Variants in NHS observed in about 807,000 individuals in gnomAD.
NHS encodes actin remodeling regulator NHS.
Under a neutral mutation model 72.5 loss-of-function variants are expected in NHS, and 5 were observed. That is an observed-to-expected ratio of 0.07 (90% CI 0.04 to 0.14). The LOEUF is 0.14. Among genes scored for constraint, NHS ranks in the 10% least tolerant of loss-of-function variants. NHS has a pLI of 1.00. For missense variants in NHS, 1,072 were observed against 1,355.7 expected (o/e 0.79, Z 3.29); for synonymous variants, 464 against 547.7 (o/e 0.85, Z 2.13).
intron 1 of NHS, among the ~76,000 whole-genome samples, chrX:17,552,034 GA>G (rs200417996): frequency 9.0e-6 from 1 of 111,691 alleles, no homozygotes; most frequent in African/African-American, 3.3e-5. Flanking sequence ...TTAAAGGGAG[GA>G]AACCGAGGCT....
At chrX:17,471,593 C>G (rs2064892723) in intron 1 of NHS, among the ~76,000 whole-genome samples, 1 of 112,475 alleles carries the variant, frequency 8.9e-6, no homozygotes, top group African/African-American at 3.2e-5. Context: ...TAACAAATGT[C>G]TTCTATAGCT....
intron 1 of NHS, among the ~76,000 whole-genome samples, chrX:17,445,758 G>C (rs772174461): frequency 2.4e-4 from 24 of 100,946 alleles, no homozygotes; most frequent in South Asian, 5.1e-4. Context: ...AAAAAAAAAG[G>C]GGGGGGGGAC....
At chrX:17,721,938 A>G (rs990380783) in intron 5 of NHS, among the ~76,000 whole-genome samples, 1 of 112,040 alleles carries the variant, frequency 8.9e-6, no homozygotes, top group Non-Finnish European at 1.9e-5. Context: ...ATCATATGAT[A>G]ATGATGTGTG....
chrX:17,600,286 CAGAGAG>C (rs113777136), intron 1 of NHS, among the ~76,000 whole-genome samples: 19 of 101,357 alleles, frequency 1.9e-4, no homozygotes, highest in East Asian at 9.3e-4. Flanking sequence ...CAGAGAGAGA[CAGAGAG>C]AGAGAGAGAG....
intron 5 of NHS, among the ~76,000 whole-genome samples, chrX:17,723,059 G>C (rs770692809): frequency 2.7e-5 from 3 of 111,884 alleles, no homozygotes; most frequent in South Asian, 7.4e-4. Flanking sequence ...TAATTACTAA[G>C]ATCAGAATGA....
intron 1 of NHS, among the ~76,000 whole-genome samples, chrX:17,459,622 C>T (rs1397934554): frequency 8.9e-6 from 1 of 112,029 alleles, no homozygotes; most frequent in Non-Finnish European, 1.9e-5. Flanking sequence ...CTCCTTTTCT[C>T]TTTCTTTAAC....
chrX:17,601,570 G>GT (rs2065649673), intron 1 of NHS, among the ~76,000 whole-genome samples: 1 of 111,561 alleles, frequency 9.0e-6, no homozygotes, highest in Non-Finnish European at 1.9e-5. Context: ...AAAAACTTAT[G>GT]TAACTGTTGG....
chrX:17,721,536 C>A lies in NHS; in HGVS notation c.1011C>A (p.Thr337=). 8.3e-7 allele frequency: 1 copy of A among 1,211,076 alleles called. No individual in the cohort carries two copies. ...HNIPSTLDKQ[T]NWSKALPLPT... is the part of the protein sequence containing the mutation. ...TCCCTTCCACACTGGACAAGCAGAC[C>A]AACTGGAGCAAAGCACTACCTCTCC... The change falls in exon 5 of 9, where the codon ACC becomes ACA. Residue 337 remains threonine, a synonymous_variant. Transcript: ENST00000676302.
intron 1 of NHS, among the ~76,000 whole-genome samples, chrX:17,436,653 C>T (rs1161811376): frequency 9.1e-6 from 1 of 109,469 alleles, no homozygotes; most frequent in African/African-American, 3.3e-5. Context: ...CACCTCTCCC[C>T]TTGGTGGTTT....
intron 1 of NHS, among the ~76,000 whole-genome samples, chrX:17,599,994 G>A (rs2065641510): frequency 9.0e-6 from 1 of 111,371 alleles, no homozygotes; most frequent in African/African-American, 3.3e-5. Context: ...CCTAAAGCCT[G>A]ATAACCTATG....
chrX:17,601,434 G>A (rs747971803), intron 1 of NHS, among the ~76,000 whole-genome samples: 1 of 111,987 alleles, frequency 8.9e-6, no homozygotes, highest in African/African-American at 3.2e-5. Flanking sequence ...TGTTCTCAAA[G>A]TAAGGAATAA....
intron 1 of NHS, among the ~76,000 whole-genome samples, chrX:17,433,115 T>C (rs1277817326): frequency 2.5e-4 from 27 of 106,610 alleles, no homozygotes; most frequent in Middle Eastern, 5.0e-3. Context: ...CTGCAAGCTC[T>C]CCCTCCCAGG....
At chrX:17,376,349 A>G (rs2064347521) in intron 1 of NHS, 27 bp downstream of exon 1, 2 of 1,123,643 alleles carry the variant, frequency 1.8e-6, no homozygotes, top group Middle Eastern at 3.0e-4. Context: ...TCCGCCCGCC[A>G]GGCTATGGGT....
rs780896720 is a variant in NHS at position 17,522,779 on chromosome X, A to G, written c.565+146457A>G. ...GGAGCCATCTTGTGACACTGCCCCT[A>G]AATCTTTCCTTGTTTTTCTTAAGAT... On this transcript the variant is annotated intron_variant, in intron 1 of 8. Transcript: ENST00000676302. Among the ~76,000 whole-genome samples, 79 of 111,137 alleles carry G rather than the reference A, an allele frequency of 7.1e-4. 1 individual carries two copies. Among genetic ancestry groups the G allele is most frequent in the African/African-American group, 2.5e-3 (77 of 30,653 alleles).
chrX:17,463,640 G>T (rs1400851862), intron 1 of NHS, among the ~76,000 whole-genome samples: 2 of 111,450 alleles, frequency 1.8e-5, no homozygotes, highest in East Asian at 2.8e-4. Context: ...CCAAGGGAAA[G>T]GTTCCCTTTT....
intron 1 of NHS, among the ~76,000 whole-genome samples, chrX:17,576,907 A>G (rs1002677608): frequency 3.6e-5 from 4 of 111,976 alleles, no homozygotes; most frequent in Non-Finnish European, 7.5e-5. Flanking sequence ...TTCAAAGAAA[A>G]CAAATAGTAT....
chrX:17,473,897 G>T (rs753906163), intron 1 of NHS, among the ~76,000 whole-genome samples: 1 of 110,891 alleles, frequency 9.0e-6, no homozygotes, highest in East Asian at 2.8e-4. Context: ...CATGAACAAT[G>T]CTTTATATTT....
intron 3 of NHS, among the ~76,000 whole-genome samples, chrX:17,693,959 T>C (rs6633018): frequency 8.9e-6 from 1 of 112,915 alleles, no homozygotes. Flanking sequence ...CATTATAACA[T>C]GTTTTATGGC....
intron 1 of NHS, among the ~76,000 whole-genome samples, chrX:17,551,723 C>A (rs759009206): frequency 1.8e-5 from 2 of 111,332 alleles, no homozygotes; most frequent in African/African-American, 6.5e-5. Flanking sequence ...GGCCTCTCAG[C>A]GTGCTTCCCT....
Sources: allele counts gnomAD v4.1 joint callset (sites outside exome capture counted in the v4.1 genomes callset), GRCh38; gene constraint gnomAD v4.1.1; transcripts MANE v1.5; gene names NCBI Gene and HGNC (gene_info 2026-07-23, HGNC 2026-07-21).